The following ARAP2 variants were observed in gnomAD, a reference collection of about 807,000 sequenced individuals.
The protein encoded by ARAP2 is ArfGAP with RhoGAP domain, ankyrin repeat and PH domain 2.
In ARAP2, 148 loss-of-function variants were observed where a neutral mutation model predicts 194.5. The observed-to-expected ratio is 0.76, with a 90% confidence interval of 0.67 to 0.87. The LOEUF is 0.87. Among genes scored for constraint, ARAP2 ranks in the 40% least tolerant of loss-of-function variants. ARAP2 has a pLI of 0.00. For synonymous variants in ARAP2, 695 were observed against 683.5 expected (o/e 1.02, Z -0.26); for missense variants, 2,128 against 1,989.7 (o/e 1.07, Z -1.32).
chr4:36,124,110 G>T (rs1723320815), intron 22 of ARAP2, among the ~76,000 whole-genome samples: 1 of 151,806 alleles, frequency 6.6e-6, no homozygotes, highest in Non-Finnish European at 1.5e-5. Context: ...AGAAGTAGTG[G>T]TTGGGAAAGA....
At chr4:36,098,484 T>C (rs935342891) in intron 27 of ARAP2, among the ~76,000 whole-genome samples, 2 of 152,084 alleles carry the variant, frequency 1.3e-5, no homozygotes, top group Admixed American at 1.3e-4. Flanking sequence ...TCCAGAGCCC[T>C]ACTGTTCTAA....
chr4:36,119,413 A>C (rs1478900583), intron 24 of ARAP2, among the ~76,000 whole-genome samples: 3 of 151,572 alleles, frequency 2.0e-5, no homozygotes, highest in African/African-American at 7.2e-5. Context: ...TGATTTTATA[A>C]AGAAAACCTT....
chr4:36,126,846 GTTGT>G (rs1724045700), intron 21 of ARAP2, among the ~76,000 whole-genome samples: 1 of 152,030 alleles, frequency 6.6e-6, no homozygotes, highest in South Asian at 2.1e-4. Context: ...TGTTGTTGTT[GTTGT>G]TTAACACGCA....
Position 36,125,381 on chromosome 4 carries a change from T to C in ARAP2, c.3641-414A>G, listed in dbSNP as rs73806487. Among the ~76,000 whole-genome samples, 796 of 152,126 alleles carry C rather than the reference T, an allele frequency of 5.2e-3. 11 individuals carry two copies. Among genetic ancestry groups the C allele is most frequent in the African/African-American group, 0.018 (750 of 41,556 alleles). On this transcript the variant is annotated intron_variant, in intron 21 of 32. Coordinates refer to ENST00000303965, the MANE Select transcript of ARAP2 (RefSeq NM_015230.4). ...CTGGCTATGGAAATGTTTTATCATTTGTATTTGAAAATGACATTTCTGATT... is the reference window on the plus strand; with the variant it reads ...CTGGCTATGGAAATGTTTTATCATTCGTATTTGAAAATGACATTTCTGATT...
rs747502290 is a variant in ARAP2, at chr4:36,187,523, G to A, written c.1606C>T (p.Arg536Ter). Residue 536 changes from arginine (R) to a stop codon, truncating the protein, a stop_gained, in exon 8 of 33, where the codon CGA becomes TGA. Coordinates refer to ENST00000303965, the MANE Select transcript of ARAP2 (RefSeq NM_015230.4). LOFTEE classifies it high-confidence loss of function. ...IIPLSAISTV[R>*]VQGDNKFEVV... ...TCAAATTTGTTGTCTCCTTGAACTC[G>A]TACTGTTGATATAGCAGAAAGGGGA... The A allele has an allele frequency of 7.0e-6, 11 of 1,561,272 alleles. No individual in the cohort carries two copies. The highest frequency in any genetic ancestry group is 9.5e-6 in the Non-Finnish European group (11 of 1,154,308).
intron 22 of ARAP2, 25 bp downstream of exon 22, chr4:36,124,837 G>A (rs766204461): frequency 1.1e-5 from 16 of 1,444,634 alleles, no homozygotes; most frequent in South Asian, 8.7e-5. Flanking sequence ...TTGAAATGTC[G>A]AGAAAAGTTC....
intron 2 of ARAP2, among the ~76,000 whole-genome samples, chr4:36,215,103 G>A (rs996327306): frequency 2.6e-5 from 4 of 152,082 alleles, no homozygotes; most frequent in African/African-American, 9.7e-5. Flanking sequence ...ATATAACAGA[G>A]TTCTCTTTTC....
chr4:36,074,644 C>T (rs1727820637), intron 31 of ARAP2, among the ~76,000 whole-genome samples: 1 of 151,926 alleles, frequency 6.6e-6, no homozygotes, highest in Non-Finnish European at 1.5e-5. Flanking sequence ...ACACAGAATA[C>T]CGAGTATAAA....
At chr4:36,237,128 A>G (rs984060720) in intron 1 of ARAP2, among the ~76,000 whole-genome samples, 19 of 152,260 alleles carry the variant, frequency 1.2e-4, no homozygotes, top group Admixed American at 1.2e-3. Context: ...TATAGAATTT[A>G]GTTTATCAAA....
intron 5 of ARAP2, among the ~76,000 whole-genome samples, chr4:36,030,817 T>G (rs61795343): frequency 2.5e-4 from 27 of 107,568 alleles, no homozygotes; most frequent in African/African-American, 7.6e-4. Context: ...TTTTTTTTTT[T>G]GGTACTATTC....
intron 27 of ARAP2, among the ~76,000 whole-genome samples, chr4:36,095,762 G>C (rs1714996130): frequency 6.6e-6 from 1 of 152,038 alleles, no homozygotes; most frequent in Admixed American, 6.6e-5. Context: ...ACTTTCCCCT[G>C]AAATCCAGAT....
chr4:36,239,809 A>G (rs921701854), intron 1 of ARAP2, among the ~76,000 whole-genome samples: 5 of 152,238 alleles, frequency 3.3e-5, no homozygotes, highest in Non-Finnish European at 5.9e-5. Context: ...AAAACAGACT[A>G]GAAGATTTGG....
chr4:36,184,536 C>T (rs1301983811), intron 8 of ARAP2, among the ~76,000 whole-genome samples: 2 of 152,174 alleles, frequency 1.3e-5, no homozygotes, highest in Non-Finnish European at 2.9e-5. Context: ...ATGAACTATA[C>T]ACCACAGAAG....
In ARAP2 at chr4:36,121,221, A is replaced by G; in HGVS notation, c.3852T>C (p.Asn1284=). 1 of 1,605,678 alleles carries G rather than the reference A, an allele frequency of 6.2e-7. No individual in the cohort carries two copies. Among genetic ancestry groups the G allele is most frequent in the South Asian group, 1.1e-5 (1 of 89,790 alleles). The part of the protein sequence containing the change: ...QTKGQTSEEV[N]VIEDLINNYV... The stretch of plus-strand genomic sequence containing the variant: ...AATTATTAATTAGGTCCTCAATTAC[A>G]TTCACTTCTTCACTAGTTTGTCCCT... The change falls in exon 23 of 33, where the codon AAT becomes AAC. Residue 1284 remains asparagine, a synonymous_variant. Coordinates refer to ENST00000303965, the MANE Select transcript of ARAP2 (RefSeq NM_015230.4).
chr4:36,061,563 G>A (rs899239452), downstream of ARAP2, among the ~76,000 whole-genome samples: 1 of 152,022 alleles, frequency 6.6e-6, no homozygotes, highest in Non-Finnish European at 1.5e-5. Context: ...TTTCTTTATC[G>A]ATTCGTCTGT....
At chr4:36,199,385 G>A (rs775196998) in intron 6 of ARAP2, among the ~76,000 whole-genome samples, 9 of 152,124 alleles carry the variant, frequency 5.9e-5, no homozygotes, top group Non-Finnish European at 7.4e-5. Flanking sequence ...TCCACCTCCC[G>A]GGTTCAAGTG....
At chr4:36,193,725 G>A (rs79765815) in intron 6 of ARAP2, 78 bp from the exon 7 acceptor site, 12,846 of 1,036,686 alleles carry the variant, frequency 0.012, 94 homozygotes, top group Non-Finnish European at 0.014. Context: ...TAATGTAACC[G>A]TGTAAATATA....
At chr4:36,103,729 C>T (rs1717639315) in intron 27 of ARAP2, among the ~76,000 whole-genome samples, 1 of 151,776 alleles carries the variant, frequency 6.6e-6, no homozygotes, top group African/African-American at 2.4e-5. Flanking sequence ...TTACTCCTAT[C>T]TAACTCTATA....
At chr4:36,088,297 G>T (rs989118806) in intron 28 of ARAP2, among the ~76,000 whole-genome samples, 1 of 152,018 alleles carries the variant, frequency 6.6e-6, no homozygotes, top group African/African-American at 2.4e-5. Flanking sequence ...GCGGTCCACT[G>T]CACAAAACCA....
Sources: gnomAD v4.1 joint callset for allele counts (sites outside exome capture counted in the v4.1 genomes callset) on GRCh38, gnomAD v4.1.1 for gene constraint, MANE v1.5 for transcripts, NCBI Gene and HGNC (gene_info 2026-07-23, HGNC 2026-07-21) for gene names.